PPFIA1: variants seen among roughly 807,000 people sequenced by gnomAD.
PPFIA1 encodes the protein PPFI scaffold protein A1.
Under a neutral mutation model 149.9 loss-of-function variants are expected in PPFIA1, and 25 were observed. The observed-to-expected ratio is 0.17, with a 90% CI of 0.12 to 0.23. PPFIA1 has a LOEUF of 0.23. Ranked by LOEUF, PPFIA1 falls within the 10% of genes least tolerant of loss-of-function variation. The pLI, the probability that PPFIA1 is intolerant of heterozygous loss-of-function variation, is 1.00. For synonymous variants in PPFIA1, 549 were observed against 552.8 expected (o/e 0.99, Z 0.10); for missense variants, 1,362 against 1,506.5 (o/e 0.90, Z 1.59).
intron 16 of PPFIA1, among the ~76,000 whole-genome samples, chr11:70,352,703 C>G (rs371017489): frequency 6.7e-6 from 1 of 149,118 alleles, no homozygotes; most frequent in Non-Finnish European, 1.5e-5. Flanking sequence ...TGGCACGTGA[C>G]AGCACTACAG....
chr11:70,314,023 G>T (rs144002449), intron 2 of PPFIA1, among the ~76,000 whole-genome samples: 4 of 152,290 alleles, frequency 2.6e-5, no homozygotes, highest in Non-Finnish European at 4.4e-5. Context: ...GTCTCAAATA[G>T]AAATTTTAAA....
chr11:70,287,624 C>T (rs186068730), intron 2 of PPFIA1, among the ~76,000 whole-genome samples: 32 of 151,560 alleles, frequency 2.1e-4, no homozygotes, highest in Admixed American at 4.6e-4. Context: ...CCACTACACC[C>T]GGCCTTTTTT....
At position 70,376,614 on chromosome 11, in the gene PPFIA1, C is replaced by G; in HGVS notation, c.3384+14C>G. The G allele has an allele frequency of 6.3e-7, 1 of 1,593,898 alleles. No individual in the cohort carries two copies. The highest frequency in any genetic ancestry group is 8.6e-7 in the Non-Finnish European group (1 of 1,161,756). The stretch of plus-strand genomic sequence containing the variant: ...AGGTTTGATGAAGTAAGTTTTTGGC[C>G]TAATGTTCTTTAAATGTCTGAAATG... On this transcript the variant is annotated intron_variant, in intron 25 of 27. Transcript: ENST00000253925.
intron 21 of PPFIA1, among the ~76,000 whole-genome samples, chr11:70,368,952 CTTT>C (rs35915106): frequency 1.8e-4 from 25 of 138,356 alleles, no homozygotes; most frequent in Non-Finnish European, 2.5e-4. Context: ...CACAGTCAGT[CTTT>C]TTTTTTTTTT....
chr11:70,324,337 C>G, intron 2 of PPFIA1, 65 bp from the exon 3 acceptor site: 1 of 1,260,768 alleles, frequency 7.9e-7, no homozygotes, highest in South Asian at 1.3e-5. Flanking sequence ...ACTGTGGAGC[C>G]TTGATGAAAG....
intron 2 of PPFIA1, among the ~76,000 whole-genome samples, chr11:70,299,357 C>T (rs2052316189): frequency 6.6e-6 from 1 of 152,194 alleles, no homozygotes; most frequent in Non-Finnish European, 1.5e-5. Flanking sequence ...TAATACCGTG[C>T]TTCTGCTGAC....
chr11:70,359,822 A>G (rs1192798898), intron 19 of PPFIA1, among the ~76,000 whole-genome samples: 2 of 152,276 alleles, frequency 1.3e-5, no homozygotes, highest in East Asian at 1.9e-4. Flanking sequence ...AGATCAAGCA[A>G]TAAAGGAGGA....
intron 9 of PPFIA1, 78 bp downstream of exon 9, chr11:70,332,172 T>C: frequency 6.8e-7 from 1 of 1,463,368 alleles, no homozygotes. Flanking sequence ...TTTGTCACTG[T>C]TCTTATTACA....
chr11:70,314,459 G>A (rs1467782991), intron 2 of PPFIA1, among the ~76,000 whole-genome samples: 1 of 151,998 alleles, frequency 6.6e-6, no homozygotes, highest in Non-Finnish European at 1.5e-5. Flanking sequence ...ACAGAAAGGA[G>A]GACTGATCTT....
chr11:70,343,791 C>T lies in PPFIA1; in HGVS notation c.1830C>T (p.Leu610=). The T allele has an allele frequency of 1.2e-6, 2 of 1,614,182 alleles. No homozygotes were observed. The highest frequency in any genetic ancestry group is 1.1e-5 in the South Asian group (1 of 91,080). The stretch of plus-strand genomic sequence containing the variant: ...ATGGTGAAGATGACAGGGACACTCT[C>T]CTCAGCTCAGTTGACCTGCTATCGC... ...VSDGEDDRDT[L]LSSVDLLSPS... Residue 610 remains leucine (L), a synonymous_variant, in exon 15 of 28, where the codon CTC becomes CTT. Transcript: ENST00000253925.
Position 70,296,964 on chromosome 11 carries a change from G to A in PPFIA1, c.264+24528G>A, listed in dbSNP as rs918644112. On this transcript the variant is annotated intron_variant, in intron 2 of 27. Coordinates refer to ENST00000253925, the MANE Select transcript of PPFIA1 (RefSeq NM_003626.5). ...GTGGTGAAGATAGTTAATTCATGACGCTCTCAGAAGAGAGCCTGGTATTTA... is the reference window on the plus strand; with the variant it reads ...GTGGTGAAGATAGTTAATTCATGACACTCTCAGAAGAGAGCCTGGTATTTA... Among the ~76,000 whole-genome samples, 5 of 152,074 alleles carry A rather than the reference G, an allele frequency of 3.3e-5. No individual in the cohort carries two copies. The East Asian group carries it at 5.8e-4, about 18-fold the overall frequency.
chr11:70,354,515 A>G (rs1447669000), intron 17 of PPFIA1, 63 bp downstream of exon 17: 1 of 1,497,382 alleles, frequency 6.7e-7, no homozygotes, highest in African/African-American at 1.4e-5. Context: ...GTGTTGAGAA[A>G]TCGACAAATC....
chr11:70,340,636 C>T (rs1010172641), intron 14 of PPFIA1, among the ~76,000 whole-genome samples: 1 of 152,072 alleles, frequency 6.6e-6, no homozygotes, highest in Non-Finnish European at 1.5e-5. Context: ...GAGTCCTAGG[C>T]CTGCAGCAGT....
rs76154820 is a variant in PPFIA1 at position 70,369,247 on chromosome 11, T to C, written c.2866-2968T>C. Among the ~76,000 whole-genome samples the C allele has an allele frequency of 2.1e-3, 313 of 152,342 alleles. 1 individual carries two copies. Among genetic ancestry groups the C allele is most frequent in the African/African-American group, 7.0e-3 (289 of 41,578 alleles). ...TTTTTCTGCATCTTTTGAGATGATA[T>C]GGTTTTTTTTCAATCTCTTCATATG... On this transcript the variant is annotated intron_variant, in intron 21 of 27. Coordinates refer to ENST00000253925, the MANE Select transcript of PPFIA1 (RefSeq NM_003626.5).
chr11:70,289,277 A>T (rs2051362299), intron 2 of PPFIA1, among the ~76,000 whole-genome samples: 1 of 152,088 alleles, frequency 6.6e-6, no homozygotes, highest in African/African-American at 2.4e-5. Flanking sequence ...GGCTGAAGGT[A>T]GCATCTTTTA....
chr11:70,314,574 A>C (rs1475501141), intron 2 of PPFIA1, among the ~76,000 whole-genome samples: 3 of 152,230 alleles, frequency 2.0e-5, no homozygotes, highest in African/African-American at 7.2e-5. Context: ...CAGCATCAGC[A>C]GCTTGGTGTG....
intron 26 of PPFIA1, among the ~76,000 whole-genome samples, chr11:70,381,621 T>G (rs1372272026): frequency 2.0e-5 from 3 of 152,118 alleles, no homozygotes; most frequent in Non-Finnish European, 4.4e-5. Context: ...CTTAGACTGG[T>G]CTTGTACCCG....
rs1198363909 is a variant in PPFIA1 at position 70,321,954 on chromosome 11, C to T, written c.265-2448C>T. On this transcript the variant is annotated intron_variant, in intron 2 of 27. Transcript: ENST00000253925. ...GTGCAATCTCGGCCCACCGGAACCT[C>T]CACCTCCCGGGTTCAAGCGATTCTC... Among the ~76,000 whole-genome samples, 3 of 152,352 alleles carry T rather than the reference C, an allele frequency of 2.0e-5. No homozygotes were observed. The East Asian group carries it at 5.8e-4, about 29-fold the overall frequency.
chr11:70,301,744 G>A (rs1402248793), intron 2 of PPFIA1, among the ~76,000 whole-genome samples: 4 of 152,046 alleles, frequency 2.6e-5, no homozygotes, highest in Non-Finnish European at 4.4e-5. Flanking sequence ...AAGGACCTTC[G>A]TTTACAGTTG....
Sources: gnomAD v4.1 joint callset for allele counts (sites outside exome capture counted in the v4.1 genomes callset) on GRCh38, gnomAD v4.1.1 for gene constraint, MANE v1.5 for transcripts, NCBI Gene and HGNC (gene_info 2026-07-23, HGNC 2026-07-21) for gene names.